The following KLHDC1 variants were observed in gnomAD, a reference collection of about 807,000 sequenced individuals.
KLHDC1 encodes the protein kelch domain containing 1.
A neutral mutation model predicts 68.3 loss-of-function variants in KLHDC1; 53 were observed. The ratio of observed to expected loss-of-function variants is 0.78; its 90% CI spans 0.62 to 0.98. The LOEUF is 0.98. KLHDC1 is among the 50% of genes least tolerant of loss of function. The pLI, the probability that KLHDC1 is intolerant of heterozygous loss-of-function variation, is 0.00. For missense variants in KLHDC1, 470 were observed against 492.3 expected, an observed-to-expected ratio of 0.95 and a Z score of 0.43; for synonymous variants, 148 against 159.0, an observed-to-expected ratio of 0.93 and a Z score of 0.52.
chr14:49,695,116 A>ATTGTGTG (rs374154891), intron 1 of KLHDC1, among the ~76,000 whole-genome samples: 1 of 142,094 alleles, frequency 7.0e-6, no homozygotes. Flanking sequence ...TGCAGTTTTG[A>ATTGTGTG]TGTGTGTGTG....
In KLHDC1 at chr14:49,709,181, A is replaced by T. The variant is rs1034158442; in HGVS notation, c.119A>T (p.Tyr40Phe). ...TAGTCTATTGAAGACAATGAAGTAT[A>T]TTTGCCTAATGATGAAATTTGGACC... ...GYVSIEDNEV[Y>F]LPNDEIWTYD... Residue 40 changes from tyrosine (Y) to phenylalanine (F), a missense_variant, in exon 2 of 13, where the codon TAT (tyrosine) becomes TTT (phenylalanine). Coordinates refer to ENST00000359332, the MANE Select transcript of KLHDC1 (RefSeq NM_172193.3). 1.5e-6 allele frequency: 2 copies of T among 1,375,100 alleles called. No homozygotes were observed. Among genetic ancestry groups the T allele is most frequent in the Non-Finnish European group, 2.0e-6 (2 of 979,004 alleles). The allele number at this position is 1,375,100 out of a possible 1,614,324, so 85.2% of individuals were successfully genotyped here.
At chr14:49,742,160 G>A (rs1470403009) in intron 11 of KLHDC1, among the ~76,000 whole-genome samples, 1 of 152,190 alleles carries the variant, frequency 6.6e-6, no homozygotes, top group Non-Finnish European at 1.5e-5. Context: ...TTTGTGGTTT[G>A]TCTTCTCTTT....
In KLHDC1 at chr14:49,725,361, CAG is replaced by C. The variant is rs1192192926; in HGVS notation, c.484-323_484-322del. On this transcript the variant is annotated intron_variant, in intron 5 of 12. Coordinates refer to ENST00000359332, the MANE Select transcript of KLHDC1 (RefSeq NM_172193.3). ...GTTCTGAGCATGTACTTTAGGGAAA[CAG>C]ATTTTAAAATGTAAACATCATTCCA... 2.6e-5 allele frequency among the ~76,000 whole-genome samples: 4 copies of C among 152,304 alleles called. No individual in the cohort carries two copies. The East Asian group carries it at 7.7e-4, about 29-fold the overall frequency.
chr14:49,703,459 C>T (rs1008095698), intron 1 of KLHDC1, among the ~76,000 whole-genome samples: 2 of 152,086 alleles, frequency 1.3e-5, no homozygotes, highest in Non-Finnish European at 2.9e-5. Context: ...CCTCCTGCCT[C>T]AGCCTCCCAA....
At chr14:49,701,402 G>A (rs1013854234) in intron 1 of KLHDC1, among the ~76,000 whole-genome samples, 3 of 152,238 alleles carry the variant, frequency 2.0e-5, no homozygotes, top group Non-Finnish European at 4.4e-5. Flanking sequence ...GCTTACGCCT[G>A]TAATCCTAGC....
chr14:49,729,803 A>G (rs1490555506), intron 8 of KLHDC1, among the ~76,000 whole-genome samples: 3 of 152,262 alleles, frequency 2.0e-5, no homozygotes, highest in Non-Finnish European at 4.4e-5. Flanking sequence ...AGGATTGATC[A>G]GTAGAAGAAA....
At chr14:49,711,924 T>C (rs1254239543) in intron 4 of KLHDC1, among the ~76,000 whole-genome samples, 2 of 135,840 alleles carry the variant, frequency 1.5e-5, no homozygotes, top group African/African-American at 2.8e-5. Context: ...TTTTTTTTTT[T>C]TTTTTTTTTT....
At chr14:49,707,338 C>CTTTT (rs1191432812) in intron 1 of KLHDC1, among the ~76,000 whole-genome samples, 3 of 61,788 alleles carry the variant, frequency 4.9e-5, no homozygotes, top group Non-Finnish European at 6.4e-5. Context: ...ACAAGATATT[C>CTTTT]TTTTTTTTTT....
intron 1 of KLHDC1, among the ~76,000 whole-genome samples, chr14:49,695,637 TAA>T (rs980461964): frequency 6.6e-6 from 1 of 152,210 alleles, no homozygotes; most frequent in African/African-American, 2.4e-5. Context: ...GGCTTCAACT[TAA>T]AGACAGCTAC....
chr14:49,712,707 A>G (rs1253342797), intron 4 of KLHDC1, among the ~76,000 whole-genome samples: 1 of 151,508 alleles, frequency 6.6e-6, no homozygotes, highest in African/African-American at 2.4e-5. Flanking sequence ...GTTTCACTAT[A>G]TTGGCCAGGC....
At chr14:49,696,664 A>G (rs962756458) in intron 1 of KLHDC1, among the ~76,000 whole-genome samples, 6 of 152,204 alleles carry the variant, frequency 3.9e-5, no homozygotes, top group Non-Finnish European at 7.3e-5. Flanking sequence ...CCAGACCACT[A>G]AAACTTCCTC....
chr14:49,715,755 A>ATATAT (rs1190003555), intron 4 of KLHDC1, among the ~76,000 whole-genome samples: 2 of 127,254 alleles, frequency 1.6e-5, no homozygotes, highest in African/African-American at 6.1e-5. Context: ...AAAAAAAAAA[A>ATATAT]AAAAAAAAAA....
chr14:49,747,921 C>T (rs1413300519), intron 12 of KLHDC1, among the ~76,000 whole-genome samples: 10 of 151,902 alleles, frequency 6.6e-5, no homozygotes, highest in Admixed American at 4.6e-4. Flanking sequence ...GGGTAACAAA[C>T]GGTGAAGGGG....
chr14:49,708,068 AG>A (rs1158918486), intron 1 of KLHDC1, among the ~76,000 whole-genome samples: 1 of 111,456 alleles, frequency 9.0e-6, no homozygotes, highest in Non-Finnish European at 1.7e-5. Context: ...TTAAAACTCT[AG>A]CTTTTTTTTT....
chr14:49,707,915 C>T (rs1454854762), intron 1 of KLHDC1, among the ~76,000 whole-genome samples: 1 of 151,582 alleles, frequency 6.6e-6, no homozygotes, highest in African/African-American at 2.4e-5. Context: ...CTTGGCCTCC[C>T]AAAGTGCTGG....
chr14:49,738,149 T>C (rs1386459339), intron 10 of KLHDC1, among the ~76,000 whole-genome samples: 1 of 151,968 alleles, frequency 6.6e-6, no homozygotes, highest in Non-Finnish European at 1.5e-5. Flanking sequence ...TGCCTCAGCC[T>C]CCTGAGTAGC....
chr14:49,719,916 C>G (rs759785569), intron 4 of KLHDC1, among the ~76,000 whole-genome samples: 8 of 152,012 alleles, frequency 5.3e-5, no homozygotes, highest in African/African-American at 9.7e-5. Flanking sequence ...CCTCAAACTC[C>G]TGGGCTCAAG....
At chr14:49,715,337 G>A (rs1888341775) in intron 4 of KLHDC1, among the ~76,000 whole-genome samples, 1 of 151,248 alleles carries the variant, frequency 6.6e-6, no homozygotes, top group African/African-American at 2.4e-5. Flanking sequence ...TGGCAAGGAT[G>A]GTTTTGATCT....
chr14:49,716,747 A>G (rs1888388881), intron 4 of KLHDC1, among the ~76,000 whole-genome samples: 2 of 152,142 alleles, frequency 1.3e-5, no homozygotes, highest in Admixed American at 6.5e-5. Flanking sequence ...TTTTAACTAT[A>G]TTAAGTGTAC....
Sources: gnomAD v4.1 joint callset for allele counts (sites outside exome capture counted in the v4.1 genomes callset) on GRCh38, gnomAD v4.1.1 for gene constraint, MANE v1.5 for transcripts, NCBI Gene and HGNC (gene_info 2026-07-23, HGNC 2026-07-21) for gene names.